GABRA1: variants seen among roughly 807,000 people sequenced by gnomAD.
GABRA1 encodes the protein gamma-aminobutyric acid receptor subunit alpha-1.
GABRA1 carries 9 observed loss-of-function variants against 48.9 expected under a neutral mutation model. The observed-to-expected ratio is 0.18, with a 90% confidence interval of 0.11 to 0.32. The LOEUF (loss-of-function observed/expected upper bound fraction) is 0.32. GABRA1 is among the 10% of genes least tolerant of loss of function. GABRA1 has a pLI of 1.00. For missense variants in GABRA1, 285 were observed against 553.8 expected (o/e 0.51, Z 4.87); for synonymous variants, 210 against 198.7 (o/e 1.06, Z -0.48).
intron 6 of GABRA1, among the ~76,000 whole-genome samples, chr5:161,881,163 G>A (rs1328179790): frequency 6.6e-6 from 1 of 152,178 alleles, no homozygotes; most frequent in Non-Finnish European, 1.5e-5. Context: ...GTTGGCCAAT[G>A]AGTCAAGCTC....
intron 7 of GABRA1, 47 bp downstream of exon 7, chr5:161,882,748 A>C: frequency 6.4e-7 from 1 of 1,557,708 alleles, no homozygotes; most frequent in Non-Finnish European, 8.9e-7. Context: ...AAGAAGAATA[A>C]TATTTTGTGA....
chr5:161,877,662 G>C (rs748046579), intron 6 of GABRA1, among the ~76,000 whole-genome samples: 2 of 152,140 alleles, frequency 1.3e-5, no homozygotes, highest in East Asian at 1.9e-4. Context: ...TGCAAAGAAG[G>C]CTGGAAGTAA....
At chr5:161,891,515 C>T (rs1755088233) in intron 8 of GABRA1, among the ~76,000 whole-genome samples, 1 of 152,104 alleles carries the variant, frequency 6.6e-6, no homozygotes, top group South Asian at 2.1e-4. Flanking sequence ...AGGAATAAGT[C>T]ACTTTACCTG....
intron 3 of GABRA1, among the ~76,000 whole-genome samples, chr5:161,861,645 G>C (rs1448619579): frequency 1.3e-5 from 2 of 151,780 alleles, no homozygotes; most frequent in Admixed American, 6.6e-5. Context: ...TCATCTAGGG[G>C]ATAGTTTCCT....
chr5:161,857,492 C>G (rs559945687), intron 3 of GABRA1, among the ~76,000 whole-genome samples: 1 of 151,482 alleles, frequency 6.6e-6, no homozygotes, highest in African/African-American at 2.4e-5. Flanking sequence ...AATCAGTTTG[C>G]AAATACTGTA....
At chr5:161,887,552 T>C (rs1196989381) in intron 7 of GABRA1, among the ~76,000 whole-genome samples, 1 of 152,184 alleles carries the variant, frequency 6.6e-6, no homozygotes, top group Non-Finnish European at 1.5e-5. Context: ...TGTCCCCTTA[T>C]CTCTATTTAG....
chr5:161,849,716 A>G (rs1198765526), intron 1 of GABRA1, among the ~76,000 whole-genome samples: 1 of 152,244 alleles, frequency 6.6e-6, no homozygotes, highest in African/African-American at 2.4e-5. Context: ...ATATAGATTA[A>G]ATACTTTGAA....
chr5:161,891,140 A>C (rs1755070558), intron 8 of GABRA1, 90 bp downstream of exon 8: 4 of 1,170,372 alleles, frequency 3.4e-6, no homozygotes, highest in Non-Finnish European at 5.1e-6. Flanking sequence ...ATAAAAAAAA[A>C]TATACACTCA....
chr5:161,857,343 G>A (rs959648176), intron 3 of GABRA1, among the ~76,000 whole-genome samples: 2 of 151,394 alleles, frequency 1.3e-5, no homozygotes, highest in Non-Finnish European at 3.0e-5. Context: ...AGAAACTCCT[G>A]TATTTGCAAA....
At chr5:161,865,920 A>G in intron 4 of GABRA1, 132 bp downstream of exon 4, 1 of 649,858 alleles carries the variant, frequency 1.5e-6, no homozygotes, top group Non-Finnish European at 2.7e-6. Flanking sequence ...TTCTGTGTGT[A>G]ATATGTAATA....
chr5:161,875,447 C>A, intron 5 of GABRA1, 113 bp from the exon 6 acceptor site: 2 of 836,702 alleles, frequency 2.4e-6, no homozygotes, highest in Middle Eastern at 4.4e-4. Flanking sequence ...CATAACCCTG[C>A]AATTATGCCT....
chr5:161,898,226 T>A lies in GABRA1; in HGVS notation c.*804T>A, dbSNP rs1181446348. 6.6e-6 allele frequency: 1 copy of A among 152,594 alleles called. No homozygotes were observed. Among genetic ancestry groups the A allele is most frequent in the Non-Finnish European group, 1.5e-5 (1 of 68,020 alleles). The allele number at this position is 152,594 out of a possible 1,614,324, so 9.5% of individuals were successfully genotyped here. On this transcript the variant is annotated 3_prime_UTR_variant, in exon 10 of 10. Coordinates refer to ENST00000393943, the MANE Select transcript of GABRA1 (RefSeq NM_001127644.2). ...CTAAACTAAAATAGTTTAAAAATAT[T>A]CCCTTTTTCACCCTATTTTCAGATA... is the stretch of plus-strand genomic sequence containing the variant.
chr5:161,895,347 G>A (rs1158642954), intron 8 of GABRA1, among the ~76,000 whole-genome samples: 1 of 152,054 alleles, frequency 6.6e-6, no homozygotes, highest in Admixed American at 6.6e-5. Context: ...GGTACAGTGA[G>A]GAATGTTATT....
intron 7 of GABRA1, among the ~76,000 whole-genome samples, chr5:161,888,587 A>AT (rs1434242515): frequency 6.6e-6 from 1 of 151,978 alleles, no homozygotes; most frequent in Admixed American, 6.6e-5. Flanking sequence ...ATACAGATGA[A>AT]TTTTTTTCTT....
chr5:161,870,946 CTGTGTG>C (rs59726286), intron 4 of GABRA1, among the ~76,000 whole-genome samples: 6,005 of 141,346 alleles, frequency 0.042, 145 homozygotes, highest in South Asian at 0.091. Flanking sequence ...GAGTGTTGCT[CTGTGTG>C]TGTGTGTGTG....
upstream of GABRA1, chr5:161,847,793 T>G (rs747839161): frequency 6.6e-5 from 10 of 152,190 alleles, no homozygotes; most frequent in Non-Finnish European, 1.5e-4. Flanking sequence ...AAAGGTAGAA[T>G]AGTTGCACTA....
At chr5:161,847,435 A>G (rs1481661059), upstream of GABRA1, 1 of 152,252 alleles carries the variant, frequency 6.6e-6, no homozygotes, top group Non-Finnish European at 1.5e-5. Context: ...CGTTTTCTCC[A>G]TGATAACATA....
At chr5:161,847,797 T>C (rs547263820), upstream of GABRA1, 4 of 152,284 alleles carry the variant, frequency 2.6e-5, no homozygotes, top group Admixed American at 6.5e-5. Context: ...GTAGAATAGT[T>C]GCACTAAATA....
At chr5:161,889,350 A>G (rs1227109768) in intron 7 of GABRA1, among the ~76,000 whole-genome samples, 4 of 152,194 alleles carry the variant, frequency 2.6e-5, no homozygotes, top group Non-Finnish European at 5.9e-5. Context: ...GCTTCTGACT[A>G]TTTTGTAGAC....
Sources: gnomAD v4.1 joint callset for allele counts (sites outside exome capture counted in the v4.1 genomes callset) on GRCh38, gnomAD v4.1.1 for gene constraint, MANE v1.5 for transcripts, NCBI Gene and HGNC (gene_info 2026-07-23, HGNC 2026-07-21) for gene names.